The following RCOR3 variants were observed in gnomAD, a reference collection of about 807,000 sequenced individuals.
The protein encoded by RCOR3 is REST corepressor 3.
RCOR3 carries 13 observed loss-of-function variants against 64.1 expected under a neutral mutation model. That is an observed-to-expected ratio of 0.20 (90% CI 0.13 to 0.32). The LOEUF (loss-of-function observed/expected upper bound fraction) is 0.32. RCOR3 is among the 10% of genes least tolerant of loss of function. The pLI, the probability that RCOR3 is intolerant of heterozygous loss-of-function variation, is 1.00. For missense variants in RCOR3, 489 were observed against 701.2 expected, an observed-to-expected ratio of 0.70 and a Z score of 3.42; for synonymous variants, 215 against 239.0, an observed-to-expected ratio of 0.90 and a Z score of 0.93.
rs1701836118 is a variant in RCOR3 at position 211,315,819 on chromosome 1, T to C, written c.*2051T>C. ...GGGATGTGCTGTAATTTGATTTACA[T>C]GCATTAGAGCACACAGTAGAAAAAC... is the stretch of plus-strand genomic sequence containing the variant. On this transcript the variant is annotated 3_prime_UTR_variant, in exon 12 of 12. Coordinates refer to ENST00000419091, the MANE Select transcript of RCOR3 (RefSeq NM_001136223.3). The C allele has an allele frequency of 6.6e-6, 1 of 152,240 alleles. No homozygotes were observed. Among genetic ancestry groups the C allele is most frequent in the Non-Finnish European group, 1.5e-5 (1 of 68,040 alleles). The allele number at this position is 152,240 out of a possible 1,614,324, so 9.4% of individuals were successfully genotyped here. A position where few individuals can be genotyped will look rare whatever the true frequency, so the allele number is the denominator to read the frequency against.
chr1:211,288,289 C>A (rs1167752121), intron 7 of RCOR3, among the ~76,000 whole-genome samples: 1 of 151,152 alleles, frequency 6.6e-6, no homozygotes, highest in Non-Finnish European at 1.5e-5. Flanking sequence ...CTAGATTATT[C>A]TTTCAGAATA....
At chr1:211,287,314 G>A (rs1698668021) in intron 7 of RCOR3, among the ~76,000 whole-genome samples, 1 of 152,004 alleles carries the variant, frequency 6.6e-6, no homozygotes, top group Admixed American at 6.6e-5. Flanking sequence ...CTTGTCTCCT[G>A]TGCCCTGCAC....
At chr1:211,276,533 T>C in intron 5 of RCOR3, 115 bp downstream of exon 5, 1 of 950,610 alleles carries the variant, frequency 1.1e-6, no homozygotes, top group East Asian at 2.7e-5. Context: ...TTAAAAACTA[T>C]TTGTAAGTAG....
rs1553264270 is a variant in RCOR3, at chr1:211,308,686, T to TTG, written c.1076-4033_1076-4032insGT. Among the ~76,000 whole-genome samples the TTG allele has an allele frequency of 2.4e-4, 16 of 66,762 alleles. No individual in the cohort carries two copies. In the South Asian group the frequency reaches 3.8e-3, roughly 16 times the overall value. The allele number at this position is 66,762 out of a possible 152,430, so 43.8% of individuals were successfully genotyped here. A position where few individuals can be genotyped will look rare whatever the true frequency, so the allele number is the denominator to read the frequency against. Reference sequence around the variant, plus strand: ...GTTTTTTTTTTTGTTTTTTTTTTGTTTTTTTTTTTTTTTGTGTAGTCCAAA... The same window carrying TTG: ...GTTTTTTTTTTTGTTTTTTTTTTGTTTGTTTTTTTTTTTTTGTGTAGTCCAAA... On this transcript the variant is annotated intron_variant, in intron 10 of 11. Coordinates refer to ENST00000419091, the MANE Select transcript of RCOR3 (RefSeq NM_001136223.3).
At chr1:211,291,575 G>GACT in intron 8 of RCOR3, 1 of 456,168 alleles carries the variant, frequency 2.2e-6, no homozygotes, top group Non-Finnish European at 4.4e-6. Flanking sequence ...GATATGGGAG[G>GACT]ACTACTATAT....
intron 1 of RCOR3, 21 bp from the exon 2 acceptor site, chr1:211,260,086 AT>A (rs769005589): frequency 3.8e-6 from 6 of 1,574,960 alleles, no homozygotes; most frequent in Non-Finnish European, 4.3e-6. Context: ...TTTTATATAT[AT>A]TTTTTGGCAT....
chr1:211,278,323 C>T, intron 6 of RCOR3, 82 bp downstream of exon 6: 2 of 1,400,540 alleles, frequency 1.4e-6, no homozygotes, highest in Non-Finnish European at 2.0e-6. Flanking sequence ...GAAAAGTTAT[C>T]ACAACACATT....
chr1:211,274,124 T>G (rs1165764496), intron 3 of RCOR3, 86 bp from the exon 4 acceptor site: 48 of 889,896 alleles, frequency 5.4e-5, no homozygotes, highest in Non-Finnish European at 7.2e-5. Context: ...ATAAATTGTT[T>G]TAATTTGCTA....
At position 211,289,196 on chromosome 1, in the gene RCOR3, G is replaced by A; in HGVS notation, c.739G>A (p.Val247Ile). Residue 247 changes from valine to isoleucine, a missense_variant, in exon 8 of 12, where the codon GTC (valine) becomes ATC (isoleucine). Coordinates refer to ENST00000419091, the MANE Select transcript of RCOR3 (RefSeq NM_001136223.3). ...AKKEGNTEQP[V>I]QTSKIGLGRR... Reference sequence around the variant, plus strand: ...CTCTTAGGGTAATACTGAACAACCTGTCCAAACTAGCAAGATTGGACTTGG... The same window carrying A: ...CTCTTAGGGTAATACTGAACAACCTATCCAAACTAGCAAGATTGGACTTGG... 1 of 1,614,030 alleles carries A rather than the reference G, an allele frequency of 6.2e-7. No individual in the cohort carries two copies. The highest frequency in any genetic ancestry group is 8.5e-7 in the Non-Finnish European group (1 of 1,179,946).
At position 211,287,124 on chromosome 1, in the gene RCOR3, A is replaced by G. The variant is rs561102775; in HGVS notation, c.721-2054A>G. Reference sequence around the variant, plus strand: ...AACAGATCATATAAATTTAGGCCCTAAACCTGCCTGAATGGAGGACTGTGG... The same window carrying G: ...AACAGATCATATAAATTTAGGCCCTGAACCTGCCTGAATGGAGGACTGTGG... On this transcript the variant is annotated intron_variant, in intron 7 of 11. Coordinates refer to ENST00000419091, the MANE Select transcript of RCOR3 (RefSeq NM_001136223.3). Among the ~76,000 whole-genome samples, 6 of 152,288 alleles carry G rather than the reference A, an allele frequency of 3.9e-5. 1 individual carries two copies. Among genetic ancestry groups the G allele is most frequent in the African/African-American group, 1.4e-4 (6 of 41,562 alleles).
At chr1:211,261,259 T>C (rs1420709917) in intron 2 of RCOR3, 1 of 152,186 alleles carries the variant, frequency 6.6e-6, no homozygotes, top group Non-Finnish European at 1.5e-5. Flanking sequence ...GTTTTTTTGT[T>C]CCTCCTCTCC....
intron 8 of RCOR3, among the ~76,000 whole-genome samples, chr1:211,289,939 T>A (rs1699039989): frequency 6.6e-6 from 1 of 152,196 alleles, no homozygotes; most frequent in Admixed American, 6.5e-5. Flanking sequence ...GAGGAGCTCT[T>A]TAACTTCTTT....
chr1:211,267,716 T>G, intron 2 of RCOR3: 1 of 257,372 alleles, frequency 3.9e-6, no homozygotes, highest in South Asian at 3.3e-5. Flanking sequence ...CTCAGCCTCT[T>G]GAGTAGTTGG....
chr1:211,299,338 G>T (rs1287713051), intron 9 of RCOR3, among the ~76,000 whole-genome samples: 1 of 152,174 alleles, frequency 6.6e-6, no homozygotes, highest in Non-Finnish European at 1.5e-5. Context: ...GGTGTCGCTG[G>T]CATGTCTTCT....
rs535539051 is a variant in RCOR3 at position 211,308,953 on chromosome 1, C to G, written c.1076-3767C>G. 2.0e-5 allele frequency among the ~76,000 whole-genome samples: 3 copies of G among 151,922 alleles called. No individual in the cohort carries two copies. In the East Asian group the frequency reaches 5.8e-4, roughly 29 times the overall value. ...TCTCGAACTCCTGACTTCAAGTGGT[C>G]TGTCTGCCTTGGCCTTCTAAAGTGT... On this transcript the variant is annotated intron_variant, in intron 10 of 11. Transcript: ENST00000419091.
At chr1:211,281,843 G>A (rs1697856946) in intron 7 of RCOR3, among the ~76,000 whole-genome samples, 1 of 152,070 alleles carries the variant, frequency 6.6e-6, no homozygotes, top group Admixed American at 6.5e-5. Flanking sequence ...TCTACTGAGT[G>A]GTACTTGTTT....
chr1:211,267,577 A>G (rs1695417621), intron 2 of RCOR3, among the ~76,000 whole-genome samples: 1 of 152,136 alleles, frequency 6.6e-6, no homozygotes, highest in Non-Finnish European at 1.5e-5. Context: ...TACAATGCTA[A>G]TAATGTTTTT....
intron 7 of RCOR3, among the ~76,000 whole-genome samples, chr1:211,286,059 T>G (rs1478850625): frequency 6.6e-6 from 1 of 152,234 alleles, no homozygotes; most frequent in Admixed American, 6.5e-5. Flanking sequence ...TCCTCACATG[T>G]TAAGTATGTG....
intron 2 of RCOR3, among the ~76,000 whole-genome samples, chr1:211,265,818 A>G (rs920175288): frequency 6.6e-6 from 1 of 151,942 alleles, no homozygotes; most frequent in Non-Finnish European, 1.5e-5. Context: ...CAATTAGTGC[A>G]TAATTGATTA....
Sources: allele counts gnomAD v4.1 joint callset (sites outside exome capture counted in the v4.1 genomes callset), GRCh38; gene constraint gnomAD v4.1.1; transcripts MANE v1.5; gene names NCBI Gene and HGNC (gene_info 2026-07-23, HGNC 2026-07-21).